Variants in NHSL2 observed in about 807,000 individuals in gnomAD.
The protein encoded by NHSL2 is NHS like 2.
In NHSL2, 27 loss-of-function variants were observed where a neutral mutation model predicts 53.4. That is an observed-to-expected ratio of 0.51 (90% CI 0.37 to 0.70). The LOEUF is 0.70. Ranked by LOEUF, NHSL2 falls within the 30% of genes least tolerant of loss-of-function variation. The probability of loss-of-function intolerance (pLI) is 0.00; values close to 1 mark genes in which losing one functional copy is unlikely to be tolerated. For missense variants in NHSL2, 892 were observed against 980.1 expected (o/e 0.91, Z 1.20); for synonymous variants, 408 against 404.1 (o/e 1.01, Z -0.12).
chrX:71,937,400 C>G (rs1437221599), intron 1 of NHSL2, among the ~76,000 whole-genome samples: 1 of 111,844 alleles, frequency 8.9e-6, no homozygotes, highest in African/African-American at 3.3e-5. Context: ...CCTAGAACCT[C>G]TTAGGACTTG....
chrX:72,019,133 G>C (rs1311102135), intron 1 of NHSL2, among the ~76,000 whole-genome samples: 2 of 112,304 alleles, frequency 1.8e-5, no homozygotes, highest in East Asian at 2.8e-4. Flanking sequence ...CCCAGTCCTT[G>C]ATCTCCTCTG....
chrX:72,127,300 A>C, intron 1 of NHSL2: 1 of 64,366 alleles, frequency 1.6e-5, no homozygotes, highest in Non-Finnish European at 2.7e-5. Flanking sequence ...CTTTCAACCC[A>C]AGAAAGCTCC....
rs748845056 is a variant in NHSL2, at chrX:71,986,001, A to C, written c.280+74634A>C. On this transcript the variant is annotated intron_variant, in intron 1 of 7. Coordinates refer to ENST00000633930, the MANE Select transcript of NHSL2 (RefSeq NM_001013627.3). The stretch of plus-strand genomic sequence containing the variant: ...AAATTTGGTTACCTCTACGGCACAC[A>C]ATGATTTTATGTAATAATTATAATT... 9.8e-5 allele frequency among the ~76,000 whole-genome samples: 11 copies of C among 112,158 alleles called. No individual in the cohort carries two copies. The East Asian group carries it at 3.1e-3, about 31-fold the overall frequency.
At chrX:72,079,588 T>G (rs996079906) in intron 1 of NHSL2, among the ~76,000 whole-genome samples, 3 of 112,255 alleles carry the variant, frequency 2.7e-5, no homozygotes, top group African/African-American at 9.7e-5. Flanking sequence ...TTGGGGGAAA[T>G]TGAATGGAAT....
chrX:71,949,662 T>C (rs2041811077), intron 1 of NHSL2, among the ~76,000 whole-genome samples: 1 of 112,204 alleles, frequency 8.9e-6, no homozygotes, highest in Admixed American at 9.4e-5. Flanking sequence ...TGCCACACTC[T>C]GCATCAAACC....
chrX:72,086,165 C>T (rs1278773086), intron 1 of NHSL2, among the ~76,000 whole-genome samples: 1 of 111,842 alleles, frequency 8.9e-6, no homozygotes, highest in African/African-American at 3.3e-5. Context: ...ATGTTCCCAG[C>T]AATAATAAAG....
intron 1 of NHSL2, chrX:72,131,763 G>T: frequency 1.5e-5 from 4 of 259,549 alleles, no homozygotes; most frequent in Non-Finnish European, 2.0e-5. Context: ...CCTCGTCGCC[G>T]GGGCCGGAGA....
At chrX:71,964,301 G>A (rs75497945) in intron 1 of NHSL2, among the ~76,000 whole-genome samples, 19,434 of 97,833 alleles carry the variant, frequency 0.2, 2,387 homozygotes, top group African/African-American at 0.4. Context: ...CTTATGAGTG[G>A]GAACATGCAG....
At position 72,139,383 on chromosome X, in the gene NHSL2, C is replaced by T. The variant is rs1009436167; in HGVS notation, c.1835C>T (p.Ser612Leu). 6 of 1,208,161 alleles carry T rather than the reference C, an allele frequency of 5.0e-6. No homozygotes were observed. Among genetic ancestry groups the T allele is most frequent in the Middle Eastern group, 2.3e-4 (1 of 4,368 alleles). The change falls in exon 6 of 8, where the codon TCG becomes TTG. Residue 612 changes from serine to leucine, a missense_variant. Ser to Leu is a moderately radical substitution (Grantham distance 145). Coordinates refer to ENST00000633930, the MANE Select transcript of NHSL2 (RefSeq NM_001013627.3). ...CLSLEHQGHH[S>L]SHPDAQGHPA... The stretch of plus-strand genomic sequence containing the variant: ...TCCTTGGAACATCAAGGACATCACT[C>T]GTCCCACCCAGATGCTCAGGGTCAC...
At chrX:72,135,173 C>T (rs2042345647) in intron 4 of NHSL2, among the ~76,000 whole-genome samples, 1 of 111,585 alleles carries the variant, frequency 9.0e-6, no homozygotes, top group African/African-American at 3.3e-5. Context: ...GGCCTGGTAG[C>T]ACTTTCACTG....
intron 1 of NHSL2, among the ~76,000 whole-genome samples, chrX:72,119,471 G>A (rs886577513): frequency 4.5e-5 from 5 of 111,996 alleles, no homozygotes; most frequent in South Asian, 7.4e-4. Context: ...CAAGTTTCAC[G>A]CCATGTTTGT....
intron 1 of NHSL2, among the ~76,000 whole-genome samples, chrX:72,094,058 C>T (rs375484868): frequency 2.3e-4 from 26 of 111,374 alleles, no homozygotes; most frequent in South Asian, 2.2e-3. Flanking sequence ...CTGGGATTAC[C>T]GGTGTGAGCC....
chrX:71,911,502 G>C (rs1467293745), intron 1 of NHSL2, 135 bp downstream of exon 1: 2 of 554,672 alleles, frequency 3.6e-6, no homozygotes, highest in Non-Finnish European at 5.1e-6. Context: ...GGGGAGTGAG[G>C]GGATCCCATT....
chrX:71,933,614 A>G (rs908872946), intron 1 of NHSL2, among the ~76,000 whole-genome samples: 3 of 111,850 alleles, frequency 2.7e-5, no homozygotes, highest in African/African-American at 9.8e-5. Flanking sequence ...CAAGTTGCTC[A>G]GTGTCTCTAA....
chrX:72,007,412 G>A (rs1323846855), intron 1 of NHSL2, among the ~76,000 whole-genome samples: 2 of 112,487 alleles, frequency 1.8e-5, no homozygotes, highest in Admixed American at 1.9e-4. Context: ...AGCTACCCGG[G>A]GATGCCCTTT....
chrX:72,069,678 C>T, intron 1 of NHSL2: 1 of 938,151 alleles, frequency 1.1e-6, no homozygotes, highest in Non-Finnish European at 1.3e-6. Context: ...GCTGCCAGTC[C>T]AGAGCAGAAT....
chrX:72,001,940 A>G (rs1320604038), intron 1 of NHSL2, among the ~76,000 whole-genome samples: 3 of 112,882 alleles, frequency 2.7e-5, no homozygotes, highest in East Asian at 5.5e-4. Flanking sequence ...AGAGGTTGCA[A>G]ACTGTTGGCT....
chrX:71,926,151 G>A (rs1413340931), intron 1 of NHSL2, among the ~76,000 whole-genome samples: 5 of 110,876 alleles, frequency 4.5e-5, no homozygotes, highest in African/African-American at 1.7e-4. Flanking sequence ...TCTAATTTAT[G>A]AAGCTCTTTT....
chrX:72,001,644 C>G (rs73223137), intron 1 of NHSL2, among the ~76,000 whole-genome samples: 3,696 of 111,489 alleles, frequency 0.033, 74 homozygotes, highest in Non-Finnish European at 0.051. Context: ...GCCCCTCCCC[C>G]CAGGAAGCCT....
Sources: gnomAD v4.1 joint callset for allele counts (sites outside exome capture counted in the v4.1 genomes callset) on GRCh38, gnomAD v4.1.1 for gene constraint, MANE v1.5 for transcripts, NCBI Gene and HGNC (gene_info 2026-07-23, HGNC 2026-07-21) for gene names.